The following SNAP29 variants were observed in gnomAD, a reference collection of about 807,000 sequenced individuals.
SNAP29 encodes synaptosomal-associated protein 29.
SNAP29 carries 13 observed loss-of-function variants against 27.9 expected under a neutral mutation model. The ratio of observed to expected loss-of-function variants is 0.47; its 90% confidence interval spans 0.30 to 0.74. The LOEUF is 0.74. SNAP29 is among the 30% of genes least tolerant of loss of function. SNAP29 has a pLI of 0.06. For synonymous variants in SNAP29, 119 were observed against 127.1 expected (o/e 0.94, Z 0.43); for missense variants, 368 against 336.5 (o/e 1.09, Z -0.73).
chr22:20,883,609 C>A lies in SNAP29; in HGVS notation c.619+40C>A, dbSNP rs750902266. 113 of 1,339,624 alleles carry A rather than the reference C, an allele frequency of 8.4e-5. 1 individual carries two copies. The South Asian group carries it at 1.3e-3, about 16-fold the overall frequency. 83.0% of individuals were successfully genotyped at this position (1,339,624 alleles called of 1,614,324 possible). A position where few individuals can be genotyped will look rare whatever the true frequency, so the allele number is the denominator to read the frequency against. On this transcript the variant is annotated intron_variant, in intron 4 of 4. Coordinates refer to ENST00000215730, the MANE Select transcript of SNAP29 (RefSeq NM_004782.4). ...CACACCAGCTTCTGTAAGCCACTGT[C>A]CTTCAGGCAGCTTACGCCAAGCATA...
intron 1 of SNAP29, among the ~76,000 whole-genome samples, chr22:20,869,384 G>T (rs139289441): frequency 6.6e-6 from 1 of 152,186 alleles, no homozygotes; most frequent in South Asian, 2.1e-4. Flanking sequence ...TTGGATGAGG[G>T]ATGAGAGGCT....
chr22:20,871,636 A>G (rs969258187), intron 2 of SNAP29, among the ~76,000 whole-genome samples: 1 of 152,148 alleles, frequency 6.6e-6, no homozygotes, highest in Non-Finnish European at 1.5e-5. Flanking sequence ...TAATCCTAGC[A>G]CTTGGGGAGG....
At chr22:20,876,379 T>C (rs1048476038) in intron 2 of SNAP29, among the ~76,000 whole-genome samples, 2 of 146,500 alleles carry the variant, frequency 1.4e-5, no homozygotes, top group African/African-American at 5.0e-5. Context: ...CACCTCTGCC[T>C]CCCAAGTAGC....
At chr22:20,868,673 T>TA (rs2147863138) in intron 1 of SNAP29, among the ~76,000 whole-genome samples, 2 of 152,234 alleles carry the variant, frequency 1.3e-5, no homozygotes, top group East Asian at 3.9e-4. Context: ...GGTGGATAGA[T>TA]TCAGAGGAAG....
In SNAP29 at chr22:20,889,490, C is replaced by T. The variant is rs556874078; in HGVS notation, c.*1654C>T. ...CCTGATTAAAGCTTATCGAACTAGA[C>T]ATTTGTTTATTAGATGAGCTCGGCA... is the stretch of plus-strand genomic sequence containing the variant. On this transcript the variant is annotated 3_prime_UTR_variant, in exon 5 of 5. Coordinates refer to ENST00000215730, the MANE Select transcript of SNAP29 (RefSeq NM_004782.4). 2 of 152,254 alleles carry T rather than the reference C, an allele frequency of 1.3e-5. No individual in the cohort carries two copies. The highest frequency in any genetic ancestry group is 4.8e-5 in the African/African-American group (2 of 41,544). The allele number at this position is 152,254 out of a possible 1,614,324, so 9.4% of individuals were successfully genotyped here.
At chr22:20,871,639 T>C (rs1295646907) in intron 2 of SNAP29, among the ~76,000 whole-genome samples, 10 of 152,072 alleles carry the variant, frequency 6.6e-5, no homozygotes, top group Non-Finnish European at 1.2e-4. Flanking sequence ...TCCTAGCACT[T>C]GGGGAGGCCG....
At chr22:20,886,931 AAAC>A (rs1929030284) in intron 4 of SNAP29, among the ~76,000 whole-genome samples, 1 of 152,010 alleles carries the variant, frequency 6.6e-6, no homozygotes, top group African/African-American at 2.4e-5. Context: ...CTTTTTAAAA[AAAC>A]TGATTTTGGC....
rs1227606740 is a variant in SNAP29, at chr22:20,883,956, T to C, written c.619+387T>C. On this transcript the variant is annotated intron_variant, in intron 4 of 4. Transcript: ENST00000215730. ...TGGAAAGGTTACCTGAGCCAGAAAG[T>C]GCCTGGGATGGTAAGAGTTAGTGCT... 3.9e-5 allele frequency among the ~76,000 whole-genome samples: 6 copies of C among 152,292 alleles called. No homozygotes were observed. In the East Asian group the frequency reaches 1.2e-3, roughly 29 times the overall value.
At chr22:20,873,608 A>G (rs1358417306) in intron 2 of SNAP29, among the ~76,000 whole-genome samples, 4 of 151,018 alleles carry the variant, frequency 2.6e-5, no homozygotes. Context: ...AATTTGGGAG[A>G]CTGAGGCAGG....
intron 1 of SNAP29, among the ~76,000 whole-genome samples, chr22:20,869,558 T>C (rs1204250379): frequency 3.3e-5 from 5 of 152,100 alleles, no homozygotes; most frequent in African/African-American, 7.2e-5. Flanking sequence ...GTCCTTGAAA[T>C]AGAATTTGAG....
At chr22:20,860,195 A>T (rs1382318548) in intron 1 of SNAP29, among the ~76,000 whole-genome samples, 3 of 34,054 alleles carry the variant, frequency 8.8e-5, no homozygotes, top group Admixed American at 3.5e-4. Context: ...CACTAAAATT[A>T]AAAAAAAAAA....
rs1929060856 is a variant in SNAP29, at chr22:20,888,015, T to C, written c.*179T>C. On this transcript the variant is annotated 3_prime_UTR_variant, in exon 5 of 5. Coordinates refer to ENST00000215730, the MANE Select transcript of SNAP29 (RefSeq NM_004782.4). ...AGGAAGTGTTTGTCCCACATTTTCC[T>C]AGGGTTAACACCTCACCAAGTTCTT... 1 of 658,246 alleles carries C rather than the reference T, an allele frequency of 1.5e-6. No homozygotes were observed. Among genetic ancestry groups the C allele is most frequent in the East Asian group, 2.8e-5 (1 of 35,412 alleles). 40.8% of individuals were successfully genotyped at this position (658,246 alleles called of 1,614,324 possible). A position where few individuals can be genotyped will look rare whatever the true frequency, so the allele number is the denominator to read the frequency against.
chr22:20,887,682 A>T lies in SNAP29; in HGVS notation c.623A>T (p.Glu208Val), dbSNP rs137925620. The change falls in exon 5 of 5, where the codon GAG becomes GTG. Residue 208 changes from glutamate to valine, a missense_variant. Coordinates refer to ENST00000215730, the MANE Select transcript of SNAP29 (RefSeq NM_004782.4). ...GTGTCATTTCCTCCTCCTGCAGATGAGCTGTCCATGGGACTGGGTCGTCTG... is the reference window on the plus strand; with the variant it reads ...GTGTCATTTCCTCCTCCTGCAGATGTGCTGTCCATGGGACTGGGTCGTCTG... ...YHQKIDSNLDELSMGLGRLKD... is the reference protein window; with the variant it reads ...YHQKIDSNLDVLSMGLGRLKD... 7.9e-5 allele frequency: 127 copies of T among 1,614,140 alleles called. No individual in the cohort carries two copies. In the African/African-American group the frequency reaches 1.3e-3, roughly 17 times the overall value.
At position 20,879,036 on chromosome 22, in the gene SNAP29, A is replaced by G. The variant is rs569061645; in HGVS notation, c.435-2013A>G. Among the ~76,000 whole-genome samples the G allele has an allele frequency of 2.9e-3, 442 of 152,302 alleles. 1 individual carries two copies. The highest frequency in any genetic ancestry group is 9.3e-3 in the African/African-American group (388 of 41,588). ...AAATATAAAAACAGTGGCCGGGTGC[A>G]GTGGCTCACGCCTGTAATCCCAGCA... On this transcript the variant is annotated intron_variant, in intron 2 of 4. Transcript: ENST00000215730.
rs1380608177 is a variant in SNAP29, at chr22:20,876,527, G to T, written c.435-4522G>T. Among the ~76,000 whole-genome samples the T allele has an allele frequency of 3.3e-5, 5 of 149,534 alleles. No individual in the cohort carries two copies. The East Asian group carries it at 1.0e-3, about 30-fold the overall frequency. On this transcript the variant is annotated intron_variant, in intron 2 of 4. Coordinates refer to ENST00000215730, the MANE Select transcript of SNAP29 (RefSeq NM_004782.4). ...CCCGCCTCAGCCTCCCAAAGTGCTA[G>T]GATTGCAGGCATGAGCCACTGTGCC...
At position 20,888,479 on chromosome 22, in the gene SNAP29, A is replaced by C. The variant is rs1929078355; in HGVS notation, c.*643A>C. 1 of 163,584 alleles carries C rather than the reference A, an allele frequency of 6.1e-6. No individual in the cohort carries two copies. The highest frequency in any genetic ancestry group is 5.8e-5 in the Admixed American group (1 of 17,278). 10.1% of individuals were successfully genotyped at this position (163,584 alleles called of 1,614,324 possible). The stretch of plus-strand genomic sequence containing the variant: ...TGTCCCCGCTTCCCTCCAGCCCCCC[A>C]TCCTTGGCATGTATATTAGTAGGAG... On this transcript the variant is annotated 3_prime_UTR_variant, in exon 5 of 5. Transcript: ENST00000215730.
chr22:20,861,993 C>T lies in SNAP29; in HGVS notation c.237+2646C>T, dbSNP rs151287295. Among the ~76,000 whole-genome samples, 449 of 152,294 alleles carry T rather than the reference C, an allele frequency of 2.9e-3. 3 individuals carry two copies. Among genetic ancestry groups the T allele is most frequent in the Non-Finnish European group, 4.7e-3 (319 of 68,028 alleles). ...CCATGTTGGGCAGGCTGGTCTCAAA[C>T]GCCTGACCTTAGGTGATCTGCCCAC... On this transcript the variant is annotated intron_variant, in intron 1 of 4. Coordinates refer to ENST00000215730, the MANE Select transcript of SNAP29 (RefSeq NM_004782.4).
At chr22:20,884,117 G>A (rs897105052) in intron 4 of SNAP29, among the ~76,000 whole-genome samples, 5 of 152,062 alleles carry the variant, frequency 3.3e-5, no homozygotes, top group South Asian at 2.1e-4. Context: ...TGGATCACCC[G>A]AGGTCAGGAG....
chr22:20,871,530 CA>C (rs1300780067), intron 2 of SNAP29, among the ~76,000 whole-genome samples: 1 of 123,782 alleles, frequency 8.1e-6, no homozygotes, highest in Non-Finnish European at 1.8e-5. Flanking sequence ...TAATTAAAAT[CA>C]AAAAAATAAA....
Sources: allele counts gnomAD v4.1 joint callset (sites outside exome capture counted in the v4.1 genomes callset), GRCh38; gene constraint gnomAD v4.1.1; transcripts MANE v1.5; gene names NCBI Gene and HGNC (gene_info 2026-07-23, HGNC 2026-07-21).